SLC12A7: variants seen among roughly 807,000 people sequenced by gnomAD.
The protein encoded by SLC12A7 is solute carrier family 12 member 7.
Under a neutral mutation model 120.6 loss-of-function variants are expected in SLC12A7, and 100 were observed. That is an observed-to-expected ratio of 0.83 (90% CI 0.71 to 0.98). The LOEUF (loss-of-function observed/expected upper bound fraction) is 0.98. Among genes scored for constraint, SLC12A7 ranks in the 50% least tolerant of loss-of-function variants. The pLI, the probability that SLC12A7 is intolerant of heterozygous loss-of-function variation, is 0.00. For missense variants in SLC12A7, 1,373 were observed against 1,548.1 expected (o/e 0.89, Z 1.90); for synonymous variants, 760 against 678.0 (o/e 1.12, Z -1.88).
rs1338899220 is a variant in SLC12A7 at position 1,083,762 on chromosome 5, G to C, written c.1112C>G (p.Ala371Gly). 1 of 1,612,506 alleles carries C rather than the reference G, an allele frequency of 6.2e-7. No individual in the cohort carries two copies. The highest frequency in any genetic ancestry group is 1.7e-5 in the Admixed American group (1 of 60,012). ...AGCCTCACCCAGGAAGACACCACTG[G>C]CCGCGCCCGGGATGCCCTGGATTTC... ...VTEIQGIPGA[A>G]SGVFLENLWS... Residue 371 changes from alanine to glycine, a missense_variant, in exon 8 of 24, where the codon GCC becomes GGC. Physicochemically the swap from Ala to Gly is moderately conservative, Grantham distance 60 (BLOSUM62 0). Coordinates refer to ENST00000264930, the MANE Select transcript of SLC12A7 (RefSeq NM_006598.3).
In SLC12A7 at chr5:1,085,232, G is replaced by C. The variant is rs367757932; in HGVS notation, c.917C>G (p.Pro306Arg). 2 of 1,608,808 alleles carry C rather than the reference G, an allele frequency of 1.2e-6. No homozygotes were observed. The highest frequency in any genetic ancestry group is 1.7e-5 in the Admixed American group (1 of 59,894). The change falls in exon 7 of 24, where the codon CCG becomes CGG. Residue 306 changes from proline to arginine, a missense_variant and splice_region_variant. Pro to Arg is a moderately radical substitution (Grantham distance 103). Coordinates refer to ENST00000264930, the MANE Select transcript of SLC12A7 (RefSeq NM_006598.3). ...IKSAFDPPDI[P>R]VCLLGNRTLS... ...ACGGCTCAGAGGCCCCGAGACTCAC[G>C]GGATGTCCGGGGGGTCGAAGGCAGA...
chr5:1,102,100 C>G (rs1401668708), intron 1 of SLC12A7, among the ~76,000 whole-genome samples: 2 of 152,210 alleles, frequency 1.3e-5, no homozygotes, highest in Non-Finnish European at 2.9e-5. Flanking sequence ...GGAACAGCCT[C>G]CTGGGCTTGT....
chr5:1,085,420 C>T lies in SLC12A7; in HGVS notation c.729G>A (p.Glu243=), dbSNP rs1336340599. ...AIFQAEAAGG[E]AAAMLHNMRV... is the part of the protein sequence containing the mutation. ...GCATGTTGTGCAGCATGGCGGCCGC[C>T]TCGCCACCTGCAGCCTCCGCCTGGA... is the stretch of plus-strand genomic sequence containing the variant. The change falls in exon 7 of 24, where the codon GAG becomes GAA. Residue 243 remains glutamate (E), a synonymous_variant. Transcript: ENST00000264930. 3 of 1,609,904 alleles carry T rather than the reference C, an allele frequency of 1.9e-6. No homozygotes were observed. Among genetic ancestry groups the T allele is most frequent in the Non-Finnish European group, 2.5e-6 (3 of 1,178,834 alleles).
intron 21 of SLC12A7, among the ~76,000 whole-genome samples, chr5:1,060,100 C>G (rs542471035): frequency 6.6e-6 from 1 of 152,354 alleles, no homozygotes; most frequent in East Asian, 1.9e-4. Flanking sequence ...TGGCAGGCTG[C>G]CGTTCCTCTA....
chr5:1,125,587 C>T, the SLC12A7 span, among the ~76,000 whole-genome samples: 12 of 152,176 alleles, frequency 7.9e-5, no homozygotes, highest in South Asian at 2.5e-3. Flanking sequence ...ATCCCAATTA[C>T]TTTGTATAAA....
At chr5:1,061,474 C>T (rs1448755117) in intron 20 of SLC12A7, among the ~76,000 whole-genome samples, 2 of 92,412 alleles carry the variant, frequency 2.2e-5, no homozygotes, top group African/African-American at 7.3e-5. Context: ...TCTCACCCGC[C>T]GCACCCGCCG....
Position 1,050,661 on chromosome 5 carries a change from G to A in SLC12A7, c.*1699C>T, listed in dbSNP as rs1734946928. 1 of 391,240 alleles carries A rather than the reference G, an allele frequency of 2.6e-6. No individual in the cohort carries two copies. The highest frequency in any genetic ancestry group is 3.6e-5 in the East Asian group (1 of 27,638). The allele number at this position is 391,240 out of a possible 1,614,324, so 24.2% of individuals were successfully genotyped here. A position where few individuals can be genotyped will look rare whatever the true frequency, so the allele number is the denominator to read the frequency against. ...AGAGCCAGCACCATGTGGCCGCTGT[G>A]CCTCTAGCCTGCTCTCCTCCAGGTG... On this transcript the variant is annotated 3_prime_UTR_variant, in exon 24 of 24. Coordinates refer to ENST00000264930, the MANE Select transcript of SLC12A7 (RefSeq NM_006598.3).
upstream of SLC12A7, among the ~76,000 whole-genome samples, chr5:1,116,733 T>G (rs1743340300): frequency 6.6e-6 from 1 of 152,072 alleles, no homozygotes; most frequent in Non-Finnish European, 1.5e-5. Flanking sequence ...CGCCCGTGAG[T>G]TGCAGACACA....
At chr5:1,058,140 G>A (rs1000899421) in intron 21 of SLC12A7, among the ~76,000 whole-genome samples, 3 of 152,174 alleles carry the variant, frequency 2.0e-5, no homozygotes, top group Non-Finnish European at 4.4e-5. Flanking sequence ...GGCTGGCAGG[G>A]GCCCTGTGGG....
At chr5:1,083,281 G>A (rs543377035) in intron 8 of SLC12A7, among the ~76,000 whole-genome samples, 2 of 151,308 alleles carry the variant, frequency 1.3e-5, no homozygotes, top group South Asian at 2.1e-4. Context: ...TTCCCGTCTC[G>A]GGTTCTGGAA....
chr5:1,131,927 G>A, the SLC12A7 span, among the ~76,000 whole-genome samples: 9 of 152,332 alleles, frequency 5.9e-5, no homozygotes, highest in East Asian at 1.9e-4. Context: ...TGTCAGGGGC[G>A]TTTGAACCAG....
At chr5:1,111,233 C>T (rs927254962) in intron 1 of SLC12A7, among the ~76,000 whole-genome samples, 1 of 152,164 alleles carries the variant, frequency 6.6e-6, no homozygotes, top group Non-Finnish European at 1.5e-5. Flanking sequence ...TCCCCAGCCC[C>T]GTCCCCACCC....
intron 4 of SLC12A7, 147 bp downstream of exon 4, chr5:1,088,835 C>T (rs1174196872): frequency 5.5e-5 from 55 of 998,970 alleles, no homozygotes; most frequent in Non-Finnish European, 3.4e-5. Flanking sequence ...GACGTCTACA[C>T]GGGCGTCTGG....
the SLC12A7 span, among the ~76,000 whole-genome samples, chr5:1,147,321 G>A: frequency 7.6e-6 from 1 of 132,162 alleles, no homozygotes; most frequent in Non-Finnish European, 1.5e-5. Context: ...GTTATCCAAA[G>A]ACGGCAGAAC....
chr5:1,095,343 G>T (rs954017358), intron 1 of SLC12A7, among the ~76,000 whole-genome samples: 2 of 152,214 alleles, frequency 1.3e-5, no homozygotes, highest in African/African-American at 2.4e-5. Context: ...GCCTGCCCGG[G>T]ACCCCTGAGC....
rs763842013 is a variant in SLC12A7 at position 1,079,471 on chromosome 5, G to A, written c.1323C>T (p.Ser441=). Residue 441 remains serine (S), a synonymous_variant, in exon 10 of 24, where the codon TCC becomes TCT. Transcript: ENST00000264930. ...VTGIMAGSNR[S]GDLKDAQKSI... ...ACTTCTGTGCATCCTTGAGGTCCCC[G>A]GACCGGTTTGAACCCGCCATGATAC... 4.0e-5 allele frequency: 65 copies of A among 1,612,556 alleles called. No homozygotes were observed. The highest frequency in any genetic ancestry group is 1.6e-4 in the Middle Eastern group (1 of 6,078).
chr5:1,055,797 T>G (rs1010798876), intron 22 of SLC12A7, among the ~76,000 whole-genome samples: 1 of 152,234 alleles, frequency 6.6e-6, no homozygotes, highest in South Asian at 2.1e-4. Flanking sequence ...CTGAAGGCAC[T>G]TTCAGATTTA....
At position 1,073,672 on chromosome 5, in the gene SLC12A7, C is replaced by T. The variant is rs564599238; in HGVS notation, c.2202G>A (p.Thr734=). Residue 734 remains threonine (T), a synonymous_variant, in exon 17 of 24, where the codon ACG becomes ACA. Coordinates refer to ENST00000264930, the MANE Select transcript of SLC12A7 (RefSeq NM_006598.3). ...GAGCCTCCATGTGCTTGTCCAGGTA[C>T]GTCCCCTCCAGCACCGAGCCCACGA... ...LTIVGSVLEG[T]YLDKHMEAQR... is the part of the protein sequence containing the mutation. 522 of 1,603,256 alleles carry T rather than the reference C, an allele frequency of 3.3e-4. 6 individuals carry two copies. In the South Asian group the frequency reaches 5.0e-3, roughly 15 times the overall value.
chr5:1,082,625 T>G (rs1301937163), intron 8 of SLC12A7, among the ~76,000 whole-genome samples: 1 of 138,494 alleles, frequency 7.2e-6, no homozygotes, highest in Non-Finnish European at 1.6e-5. Flanking sequence ...TCTAGGGTTC[T>G]GGAAAGTCCG....
Sources: allele counts gnomAD v4.1 joint callset (sites outside exome capture counted in the v4.1 genomes callset), GRCh38; gene constraint gnomAD v4.1.1; transcripts MANE v1.5; gene names NCBI Gene and HGNC (gene_info 2026-07-23, HGNC 2026-07-21).